RALGAPA2: variants seen among roughly 807,000 people sequenced by gnomAD.
RALGAPA2 encodes ral GTPase-activating protein subunit alpha-2.
In RALGAPA2, 139 loss-of-function variants were observed where a neutral mutation model predicts 230.4. The ratio of observed to expected loss-of-function variants is 0.60; its 90% confidence interval spans 0.53 to 0.69. The LOEUF is 0.69. Ranked by LOEUF, RALGAPA2 falls within the 30% of genes least tolerant of loss-of-function variation. RALGAPA2 has a pLI of 0.00. For synonymous variants in RALGAPA2, 847 were observed against 837.8 expected, an observed-to-expected ratio of 1.01 and a Z score of -0.19; for missense variants, 2,163 against 2,276.0, an observed-to-expected ratio of 0.95 and a Z score of 1.01.
chr20:20,433,634 C>G (rs188793567), intron 37 of RALGAPA2, among the ~76,000 whole-genome samples: 2 of 152,212 alleles, frequency 1.3e-5, no homozygotes, highest in Admixed American at 1.3e-4. Context: ...TATAAGTACT[C>G]CCCAAACAAA....
chr20:20,604,778 G>A (rs1378620353), intron 15 of RALGAPA2, among the ~76,000 whole-genome samples: 4 of 151,974 alleles, frequency 2.6e-5, no homozygotes. Context: ...TGTGGCCTGG[G>A]GAAGCCAAAG....
chr20:20,430,592 T>C (rs537728152), intron 37 of RALGAPA2, among the ~76,000 whole-genome samples: 37 of 152,376 alleles, frequency 2.4e-4, no homozygotes, highest in African/African-American at 7.0e-4. Flanking sequence ...TCAAGTATAC[T>C]GGTGATTTAC....
intron 20 of RALGAPA2, 143 bp from the exon 21 acceptor site, chr20:20,573,211 G>C: frequency 1.4e-6 from 1 of 727,608 alleles, no homozygotes; most frequent in Non-Finnish European, 2.1e-6. Flanking sequence ...TAAAAGGAGA[G>C]AAAAGCAGGA....
chr20:20,626,603 T>C (rs937457066), intron 10 of RALGAPA2, among the ~76,000 whole-genome samples: 2 of 152,220 alleles, frequency 1.3e-5, no homozygotes, highest in Non-Finnish European at 2.9e-5. Context: ...ATTTGTATGA[T>C]AAATTAACAA....
intron 4 of RALGAPA2, among the ~76,000 whole-genome samples, chr20:20,650,699 T>A (rs998301109): frequency 6.6e-6 from 1 of 152,210 alleles, no homozygotes; most frequent in African/African-American, 2.4e-5. Flanking sequence ...AGGATGCCAA[T>A]GCTGAGGACA....
Position 20,602,083 on chromosome 20 carries a change from A to G in RALGAPA2, c.2039-237T>C, listed in dbSNP as rs149131706. On this transcript the variant is annotated intron_variant, in intron 15 of 39. Coordinates refer to ENST00000202677, the MANE Select transcript of RALGAPA2 (RefSeq NM_020343.4). ...CTAAAACAGTCTTATGGATATTATT[A>G]TATCTTCATAGTACTCATTCCAATA... Among the ~76,000 whole-genome samples, 1,097 of 152,362 alleles carry G rather than the reference A, an allele frequency of 7.2e-3. 10 individuals carry two copies. Among genetic ancestry groups the G allele is most frequent in the African/African-American group, 0.025 (1,053 of 41,582 alleles).
Position 20,605,228 on chromosome 20 carries a change from T to C in RALGAPA2, c.1985A>G (p.Asn662Ser). The change falls in exon 15 of 40, where the codon AAC (asparagine) becomes AGC (serine). Residue 662 changes from asparagine (N) to serine (S), a missense_variant. Physicochemically the swap from Asn to Ser is conservative, Grantham distance 46 (BLOSUM62 1). Transcript: ENST00000202677. ...TTCACTTAATTTATCCAGAGGTAGGTTTGTCATCTCAACTCCATAAACGGT... is the reference window on the plus strand; with the variant it reads ...TTCACTTAATTTATCCAGAGGTAGGCTTGTCATCTCAACTCCATAAACGGT... ...ARTVYGVEMT[N>S]LPLDKLSEQK... 6.2e-7 allele frequency: 1 copy of C among 1,613,768 alleles called. No individual in the cohort carries two copies. The highest frequency in any genetic ancestry group is 8.5e-7 in the Non-Finnish European group (1 of 1,179,772).
intron 37 of RALGAPA2, among the ~76,000 whole-genome samples, chr20:20,463,028 C>A (rs957576952): frequency 2.0e-5 from 3 of 152,118 alleles, no homozygotes; most frequent in Non-Finnish European, 1.5e-5. Flanking sequence ...TGATGTCTCA[C>A]TGCAATGTGT....
rs1449536615 is a variant in RALGAPA2 at position 20,400,308 on chromosome 20, T to A, written c.5618-3574A>T. On this transcript the variant is annotated intron_variant, in intron 38 of 39. Coordinates refer to ENST00000202677, the MANE Select transcript of RALGAPA2 (RefSeq NM_020343.4). ...GGCTCTGACTCTGGGTTTGGCTTCC[T>A]CTTTCTGGTTGTTGGTCTTGCCCAT... 2.6e-5 allele frequency among the ~76,000 whole-genome samples: 4 copies of A among 152,206 alleles called. No homozygotes were observed. The East Asian group carries it at 7.7e-4, about 29-fold the overall frequency.
intron 14 of RALGAPA2, among the ~76,000 whole-genome samples, chr20:20,605,885 C>T (rs553378247): frequency 6.6e-6 from 1 of 152,234 alleles, no homozygotes; most frequent in South Asian, 2.1e-4. Context: ...CATGGACTCA[C>T]ATTCTTGCCC....
chr20:20,621,352 T>C (rs2066314765), intron 10 of RALGAPA2, among the ~76,000 whole-genome samples: 1 of 152,086 alleles, frequency 6.6e-6, no homozygotes, highest in Non-Finnish European at 1.5e-5. Flanking sequence ...CGTGCCCACC[T>C]CTTCTCAGCT....
chr20:20,568,964 G>A (rs2064537691), intron 23 of RALGAPA2, among the ~76,000 whole-genome samples: 1 of 152,128 alleles, frequency 6.6e-6, no homozygotes, highest in Non-Finnish European at 1.5e-5. Flanking sequence ...TAAAAGTGTG[G>A]CCCTTTGAGA....
intron 10 of RALGAPA2, among the ~76,000 whole-genome samples, chr20:20,624,328 CAAAA>C (rs748683871): frequency 4.1e-5 from 2 of 49,160 alleles, no homozygotes; most frequent in Non-Finnish European, 8.9e-5. Flanking sequence ...ACTCCATCTC[CAAAA>C]AAAAAAAAAA....
rs371745724 is a variant in RALGAPA2, at chr20:20,601,762, G to A, written c.2123C>T (p.Pro708Leu). The change falls in exon 16 of 40, where the codon CCG becomes CTG. Residue 708 changes from proline (P) to leucine (L), a missense_variant. Coordinates refer to ENST00000202677, the MANE Select transcript of RALGAPA2 (RefSeq NM_020343.4). ...SWRSHPDVTEPMRFRSATTSG... is the reference protein window; with the variant it reads ...SWRSHPDVTELMRFRSATTSG... ...CGTGGTGGCACTCCTAAATCGCATC[G>A]GTTCGGTCACATCTGGGTGGCTCCG... The A allele has an allele frequency of 3.3e-5, 54 of 1,613,692 alleles. No individual in the cohort carries two copies. Among genetic ancestry groups the A allele is most frequent in the Non-Finnish European group, 4.1e-5 (48 of 1,179,806 alleles).
chr20:20,701,234 C>T (rs1374916716), intron 1 of RALGAPA2, among the ~76,000 whole-genome samples: 1 of 152,018 alleles, frequency 6.6e-6, no homozygotes, highest in Non-Finnish European at 1.5e-5. Flanking sequence ...TAATGATATT[C>T]CCTATCTCTT....
intron 23 of RALGAPA2, among the ~76,000 whole-genome samples, chr20:20,560,050 C>G (rs1188353714): frequency 1.3e-5 from 2 of 152,136 alleles, no homozygotes; most frequent in African/African-American, 4.8e-5. Flanking sequence ...CTGTGAGGTT[C>G]TAAGGCAGCC....
At chr20:20,417,416 ATT>A (rs2060188433) in intron 37 of RALGAPA2, among the ~76,000 whole-genome samples, 1 of 152,186 alleles carries the variant, frequency 6.6e-6, no homozygotes, top group African/African-American at 2.4e-5. Context: ...GGCTGTCTGC[ATT>A]CACGGGGCTG....
At chr20:20,555,602 C>A (rs1248590088) in intron 23 of RALGAPA2, among the ~76,000 whole-genome samples, 4 of 152,160 alleles carry the variant, frequency 2.6e-5, no homozygotes, top group Admixed American at 2.6e-4. Flanking sequence ...GCAAGGTTTG[C>A]AGTTTTCAGT....
rs2062697281 is a variant in RALGAPA2 at position 20,511,278 on chromosome 20, A to G, written c.4904T>C (p.Leu1635Pro). 3 of 1,569,134 alleles carry G rather than the reference A, an allele frequency of 1.9e-6. No individual in the cohort carries two copies. In the African/African-American group the frequency reaches 4.1e-5, roughly 21 times the overall value. The change falls in exon 33 of 40, where the codon CTG becomes CCG. Residue 1635 changes from leucine to proline, a missense_variant. Transcript: ENST00000202677. ...LKKNSKLLRE[L>P]KNLDSRQCRE... ...CCACTGGCGGGAGTCCAAATTTTTC[A>G]GCTCTCTCAATAATTTTGAATTTTT... is the stretch of plus-strand genomic sequence containing the variant.
Sources: gnomAD v4.1 joint callset for allele counts (sites outside exome capture counted in the v4.1 genomes callset) on GRCh38, gnomAD v4.1.1 for gene constraint, MANE v1.5 for transcripts, NCBI Gene and HGNC (gene_info 2026-07-23, HGNC 2026-07-21) for gene names.